PTH2R: variants seen among roughly 807,000 people sequenced by gnomAD.
The protein encoded by PTH2R is PTH2 receptor.
Under a neutral mutation model 60.3 loss-of-function variants are expected in PTH2R, and 59 were observed. The observed-to-expected ratio is 0.98, with a 90% CI of 0.79 to 1.22. The LOEUF (loss-of-function observed/expected upper bound fraction) is 1.22, where lower values mean the gene tolerates loss of function less well. PTH2R is among the 50% of genes most tolerant of loss of function. The pLI is 0.00. For missense variants in PTH2R, 749 were observed against 682.6 expected, an observed-to-expected ratio of 1.10 and a Z score of -1.08; for synonymous variants, 256 against 243.8, an observed-to-expected ratio of 1.05 and a Z score of -0.47.
intron 1 of PTH2R, among the ~76,000 whole-genome samples, chr2:208,413,015 C>T (rs1348229726): frequency 1.3e-5 from 2 of 152,014 alleles, no homozygotes; most frequent in African/African-American, 4.8e-5. Context: ...TCACTACTGT[C>T]CCATCTCCTC....
chr2:208,381,476 G>A (rs780072970), intron 1 of PTH2R, among the ~76,000 whole-genome samples: 1 of 152,032 alleles, frequency 6.6e-6, no homozygotes, highest in Non-Finnish European at 1.5e-5. Flanking sequence ...AGGCTGGAGT[G>A]CAGTGGCACA....
intron 4 of PTH2R, among the ~76,000 whole-genome samples, chr2:208,439,287 A>G (rs1702137790): frequency 6.6e-6 from 1 of 152,124 alleles, no homozygotes; most frequent in South Asian, 2.1e-4. Context: ...AATGATTTAA[A>G]AGTTAATAGA....
intron 2 of PTH2R, 22 bp downstream of exon 2, chr2:208,428,325 G>T: frequency 6.4e-7 from 1 of 1,558,162 alleles, no homozygotes; most frequent in Non-Finnish European, 8.8e-7. Context: ...AAGAAAATTG[G>T]CTCTCCTTGT....
chr2:208,438,360 G>A (rs186269530), intron 4 of PTH2R, among the ~76,000 whole-genome samples: 2 of 152,244 alleles, frequency 1.3e-5, no homozygotes, highest in African/African-American at 4.8e-5. Context: ...TAGGATTAAA[G>A]GGGAGCAAGG....
At chr2:208,370,240 G>A (rs565788651) in intron 1 of PTH2R, among the ~76,000 whole-genome samples, 10 of 151,802 alleles carry the variant, frequency 6.6e-5, no homozygotes, top group African/African-American at 2.4e-4. Flanking sequence ...TCAGGGGATC[G>A]AGACCATCCT....
At chr2:208,398,159 T>C (rs1701247061) in intron 1 of PTH2R, among the ~76,000 whole-genome samples, 1 of 152,222 alleles carries the variant, frequency 6.6e-6, no homozygotes, top group Admixed American at 6.5e-5. Flanking sequence ...TTTGTCACCC[T>C]AGGCATTTCA....
At chr2:208,461,176 A>G (rs1027592647) in intron 9 of PTH2R, among the ~76,000 whole-genome samples, 1 of 152,160 alleles carries the variant, frequency 6.6e-6, no homozygotes, top group African/African-American at 2.4e-5. Flanking sequence ...TCCCAATTCC[A>G]TATATCCTAG....
rs1239229434 is a variant in PTH2R, at chr2:208,424,135, C to T, written c.76-4066C>T. Among the ~76,000 whole-genome samples the T allele has an allele frequency of 7.9e-5, 12 of 152,150 alleles. No individual in the cohort carries two copies. In the East Asian group the frequency reaches 2.1e-3, roughly 27 times the overall value. ...CCGCTCCAGCAGAGGAGTAGAGGGA[C>T]ACTGTGTTACTGTCAGGAGGGGTGG... On this transcript the variant is annotated intron_variant, in intron 1 of 12. Coordinates refer to ENST00000272847, the MANE Select transcript of PTH2R (RefSeq NM_005048.4).
chr2:208,419,439 G>A lies in PTH2R; in HGVS notation c.76-8762G>A, dbSNP rs576159974. Among the ~76,000 whole-genome samples the A allele has an allele frequency of 7.2e-5, 11 of 152,280 alleles. No individual in the cohort carries two copies. The East Asian group carries it at 2.1e-3, about 29-fold the overall frequency. ...TGGATATTAGCCCTTTGTCAGATGAGTAGGTTGCAAAAATTTTCTCCCATT... is the reference window on the plus strand; with the variant it reads ...TGGATATTAGCCCTTTGTCAGATGAATAGGTTGCAAAAATTTTCTCCCATT... On this transcript the variant is annotated intron_variant, in intron 1 of 12. Transcript: ENST00000272847.
chr2:208,468,696 T>C (rs751717881), intron 9 of PTH2R, among the ~76,000 whole-genome samples: 8 of 152,216 alleles, frequency 5.3e-5, no homozygotes, highest in Admixed American at 2.0e-4. Flanking sequence ...TGCCGTCCAA[T>C]CTAAATTAGA....
chr2:208,425,446 A>T (rs1701838106), intron 1 of PTH2R, among the ~76,000 whole-genome samples: 1 of 152,204 alleles, frequency 6.6e-6, no homozygotes, highest in Non-Finnish European at 1.5e-5. Context: ...CCCAGAAGTT[A>T]CCACCCTTTT....
intron 2 of PTH2R, among the ~76,000 whole-genome samples, chr2:208,436,677 A>G (rs1424000437): frequency 6.6e-6 from 1 of 152,144 alleles, no homozygotes; most frequent in Non-Finnish European, 1.5e-5. Flanking sequence ...CCCTGATTAC[A>G]TACCTCAGGG....
At chr2:208,363,077 G>A (rs1345742118) in intron 1 of PTH2R, among the ~76,000 whole-genome samples, 1 of 152,034 alleles carries the variant, frequency 6.6e-6, no homozygotes, top group Non-Finnish European at 1.5e-5. Context: ...TTGTTACATG[G>A]ATAAATTGTG....
At chr2:208,395,360 A>G (rs969590536) in intron 1 of PTH2R, among the ~76,000 whole-genome samples, 3 of 151,992 alleles carry the variant, frequency 2.0e-5, no homozygotes, top group Non-Finnish European at 2.9e-5. Context: ...CTGATTTCTA[A>G]TGGTGCAAAA....
At chr2:208,372,812 C>T (rs1389566358) in intron 1 of PTH2R, among the ~76,000 whole-genome samples, 6 of 151,990 alleles carry the variant, frequency 3.9e-5, no homozygotes, top group Admixed American at 2.6e-4. Flanking sequence ...TGGCTGGGCG[C>T]GGTGGCTCAT....
chr2:208,475,255 A>G (rs754401483), intron 9 of PTH2R, among the ~76,000 whole-genome samples: 9 of 152,226 alleles, frequency 5.9e-5, no homozygotes, highest in South Asian at 2.1e-4. Context: ...ATGTAAATGT[A>G]TAACTAATTT....
intron 1 of PTH2R, among the ~76,000 whole-genome samples, chr2:208,364,763 A>T (rs979435390): frequency 6.6e-6 from 1 of 152,202 alleles, no homozygotes; most frequent in African/African-American, 2.4e-5. Context: ...TTTGAGTGAT[A>T]TTAACATCTT....
chr2:208,479,075 ACTTAT>A (rs1703086609), intron 9 of PTH2R, among the ~76,000 whole-genome samples: 1 of 152,152 alleles, frequency 6.6e-6, no homozygotes, highest in East Asian at 1.9e-4. Flanking sequence ...GTATTTTGTT[ACTTAT>A]CTTTTAAGGC....
chr2:208,464,908 T>TC (rs1702712015), intron 9 of PTH2R, among the ~76,000 whole-genome samples: 1 of 152,158 alleles, frequency 6.6e-6, no homozygotes, highest in African/African-American at 2.4e-5. Context: ...CATTTTTTTT[T>TC]CTCTCCACAT....
Sources: gnomAD v4.1 joint callset for allele counts (sites outside exome capture counted in the v4.1 genomes callset) on GRCh38, gnomAD v4.1.1 for gene constraint, MANE v1.5 for transcripts, NCBI Gene and HGNC (gene_info 2026-07-23, HGNC 2026-07-21) for gene names.